The following DRC11 variants were observed in gnomAD, a reference collection of about 807,000 sequenced individuals.
DRC11 encodes the protein dynein regulatory complex subunit 11.
At chr2:236,461,453 T>A in the DRC11 span, among the ~76,000 whole-genome samples, 105 of 152,358 alleles carry the variant, frequency 6.9e-4, 1 homozygote, top group Non-Finnish European at 6.3e-4. The surrounding 1 kb of genome is among the most constrained non-coding windows in gnomAD (Gnocchi z 4.0). Context: ...TCATCCCAAG[T>A]ATATTTTCTC....
At chr2:236,491,188 G>GTATATA in the DRC11 span, among the ~76,000 whole-genome samples, 851 of 24,730 alleles carry the variant, frequency 0.034, 68 homozygotes, top group Non-Finnish European at 0.053. Context: ...TATACACACA[G>GTATATA]TATATATATA....
the DRC11 span, among the ~76,000 whole-genome samples, chr2:236,448,226 A>G: frequency 6.6e-6 from 1 of 152,208 alleles, no homozygotes; most frequent in African/African-American, 2.4e-5. This position sits in a 1 kb window ranked among gnomAD's most constrained non-coding sequence, Gnocchi z 5.3. Flanking sequence ...CCTCAGTAAG[A>G]CCACTGGCTG....
the DRC11 span, chr2:236,408,480 C>A: frequency 1.4e-6 from 1 of 738,590 alleles, no homozygotes. This position sits in a 1 kb window ranked among gnomAD's most constrained non-coding sequence, Gnocchi z 5.5. Flanking sequence ...CTAGCCTCTC[C>A]CGGCCCCAGT....
chr2:236,468,809 A>C, the DRC11 span, among the ~76,000 whole-genome samples: 1 of 152,266 alleles, frequency 6.6e-6, no homozygotes, highest in Non-Finnish European at 1.5e-5. Flanking sequence ...CTCTGATGAA[A>C]GTGTAAAATT....
the DRC11 span, among the ~76,000 whole-genome samples, chr2:236,371,161 G>A: frequency 6.6e-6 from 1 of 152,102 alleles, no homozygotes; most frequent in Non-Finnish European, 1.5e-5. This position sits in a 1 kb window ranked among gnomAD's most constrained non-coding sequence, Gnocchi z 5.1. Context: ...GGGCTGGGGA[G>A]GAACAGCCCA....
At chr2:236,357,690 T>C in the DRC11 span, among the ~76,000 whole-genome samples, 1 of 87,454 alleles carries the variant, frequency 1.1e-5, no homozygotes, top group Non-Finnish European at 2.6e-5. Context: ...TTACAATATG[T>C]AAATATCTGA....
the DRC11 span, among the ~76,000 whole-genome samples, chr2:236,469,281 C>T: frequency 6.6e-6 from 1 of 152,256 alleles, no homozygotes; most frequent in Non-Finnish European, 1.5e-5. This position sits in a 1 kb window ranked among gnomAD's most constrained non-coding sequence, Gnocchi z 5.8. Flanking sequence ...TCTCAGCTCA[C>T]TGCAACCTCC....
At chr2:236,470,107 T>C in the DRC11 span, among the ~76,000 whole-genome samples, 1 of 152,230 alleles carries the variant, frequency 6.6e-6, no homozygotes, top group Admixed American at 6.5e-5. This position sits in a 1 kb window ranked among gnomAD's most constrained non-coding sequence, Gnocchi z 5.1. Flanking sequence ...TAGGACTACA[T>C]GGTCCATTAA....
At chr2:236,414,912 C>G in the DRC11 span, among the ~76,000 whole-genome samples, 1 of 152,164 alleles carries the variant, frequency 6.6e-6, no homozygotes, top group Non-Finnish European at 1.5e-5. Flanking sequence ...TCTCACTCCA[C>G]TAGCCCTGCA....
chr2:236,357,165 TA>T, the DRC11 span, among the ~76,000 whole-genome samples: 7,388 of 117,120 alleles, frequency 0.063, 950 homozygotes, highest in Non-Finnish European at 0.086. Context: ...TATTCATATA[TA>T]TCTATATATT....
the DRC11 span, among the ~76,000 whole-genome samples, chr2:236,350,891 A>G: frequency 6.6e-6 from 1 of 152,170 alleles, no homozygotes; most frequent in South Asian, 2.1e-4. This position sits in a 1 kb window ranked among gnomAD's most constrained non-coding sequence, Gnocchi z 5.2. Context: ...GACCATGTTC[A>G]GGTCTGGCCA....
the DRC11 span, among the ~76,000 whole-genome samples, chr2:236,419,916 C>T: frequency 2.0e-5 from 3 of 152,232 alleles, no homozygotes; most frequent in Non-Finnish European, 4.4e-5. This position sits in a 1 kb window ranked among gnomAD's most constrained non-coding sequence, Gnocchi z 4.8. Flanking sequence ...CACTCACTCA[C>T]TGCCATAGAG....
At chr2:236,506,559 C>G in the DRC11 span, among the ~76,000 whole-genome samples, 1 of 152,226 alleles carries the variant, frequency 6.6e-6, no homozygotes, top group South Asian at 2.1e-4. This position sits in a 1 kb window ranked among gnomAD's most constrained non-coding sequence, Gnocchi z 4.9. Context: ...CGGCTTGGCA[C>G]TGTTCACTTG....
chr2:236,475,873 T>C, the DRC11 span, among the ~76,000 whole-genome samples: 1 of 152,196 alleles, frequency 6.6e-6, no homozygotes, highest in African/African-American at 2.4e-5. This position sits in a 1 kb window ranked among gnomAD's most constrained non-coding sequence, Gnocchi z 4.8. Context: ...CGAAAATAAA[T>C]TGGCTGTAAA....
At chr2:236,500,240 T>C in the DRC11 span, among the ~76,000 whole-genome samples, 2 of 152,142 alleles carry the variant, frequency 1.3e-5, no homozygotes, top group Admixed American at 6.5e-5. The surrounding 1 kb of genome is among the most constrained non-coding windows in gnomAD (Gnocchi z 6.3). Flanking sequence ...GTCCAGTTTA[T>C]ATATGAGAAA....
At chr2:236,374,323 T>C in the DRC11 span, among the ~76,000 whole-genome samples, 1 of 151,984 alleles carries the variant, frequency 6.6e-6, no homozygotes, top group South Asian at 2.1e-4. Flanking sequence ...AAAATGAAAA[T>C]ATGGACAGGG....
the DRC11 span, among the ~76,000 whole-genome samples, chr2:236,326,586 A>T: frequency 6.7e-6 from 1 of 149,068 alleles, no homozygotes; most frequent in Non-Finnish European, 1.5e-5. Flanking sequence ...TTAGCTTCTG[A>T]CTCTCTAAGC....
the DRC11 span, among the ~76,000 whole-genome samples, chr2:236,486,392 G>A: frequency 6.6e-6 from 1 of 151,872 alleles, no homozygotes; most frequent in Admixed American, 6.6e-5. This position sits in a 1 kb window ranked among gnomAD's most constrained non-coding sequence, Gnocchi z 5.7. Context: ...AAGCTACTAA[G>A]TTTGTGGTAA....
chr2:236,474,477 G>A, the DRC11 span, among the ~76,000 whole-genome samples: 1 of 152,070 alleles, frequency 6.6e-6, no homozygotes, highest in African/African-American at 2.4e-5. Flanking sequence ...GCACAGCATA[G>A]GTGTTCAGTA....
Sources: gnomAD v4.1 joint callset for allele counts (sites outside exome capture counted in the v4.1 genomes callset) on GRCh38, gnomAD v4.1.1 for gene constraint, Gnocchi (gnomAD v3.1) non-coding constraint, MANE v1.5 for transcripts, NCBI Gene and HGNC (gene_info 2026-07-23, HGNC 2026-07-21) for gene names.